Variants in TRIM5 observed in about 807,000 individuals in gnomAD.
The protein encoded by TRIM5 is tripartite motif containing 5.
A neutral mutation model predicts 35.6 loss-of-function variants in TRIM5; 31 were observed. That is an observed-to-expected ratio of 0.87 (90% CI 0.65 to 1.18). The LOEUF (loss-of-function observed/expected upper bound fraction) is 1.18. Ranked by LOEUF, TRIM5 falls within the 50% of genes most tolerant of loss-of-function variation. The pLI is 0.00. For synonymous variants in TRIM5, 243 were observed against 215.6 expected (o/e 1.13, Z -1.11); for missense variants, 609 against 591.6 (o/e 1.03, Z -0.31).
chr11:5,654,725 T>A, the TRIM5 span, among the ~76,000 whole-genome samples: 1 of 152,152 alleles, frequency 6.6e-6, no homozygotes, highest in Admixed American at 6.5e-5. Flanking sequence ...GTGGATAGAT[T>A]AACCACATGC....
chr11:5,643,081 CAT>C, the TRIM5 span: 2 of 1,276,964 alleles, frequency 1.6e-6, no homozygotes, highest in Non-Finnish European at 2.1e-6. Flanking sequence ...GTCACCTAAT[CAT>C]ATATATCACA....
chr11:5,674,731 A>G (rs1851816453), intron 4 of TRIM5, among the ~76,000 whole-genome samples: 1 of 152,262 alleles, frequency 6.6e-6, no homozygotes. Flanking sequence ...ACAACTGGAT[A>G]GCCATATGCA....
At chr11:5,621,739 A>G in the TRIM5 span, among the ~76,000 whole-genome samples, 1 of 152,186 alleles carries the variant, frequency 6.6e-6, no homozygotes, top group Non-Finnish European at 1.5e-5. Context: ...TCACTGACAT[A>G]AATGCCTATC....
At chr11:5,642,815 A>G in the TRIM5 span, 1 of 1,613,988 alleles carries the variant, frequency 6.2e-7, no homozygotes, top group East Asian at 2.2e-5. Context: ...TTATTATTTC[A>G]GAACTGACAG....
the TRIM5 span, among the ~76,000 whole-genome samples, chr11:5,625,643 C>G: frequency 6.6e-6 from 1 of 152,174 alleles, no homozygotes; most frequent in Non-Finnish European, 1.5e-5. Context: ...CTTGGCCTCC[C>G]TGACAATAGC....
At chr11:5,649,485 C>A in the TRIM5 span, among the ~76,000 whole-genome samples, 89 of 152,204 alleles carry the variant, frequency 5.8e-4, no homozygotes, top group African/African-American at 2.0e-3. Context: ...TTTTCTTAAC[C>A]TACATTGTGG....
At chr11:5,608,331 A>T in the TRIM5 span, 2 of 1,611,982 alleles carry the variant, frequency 1.2e-6, no homozygotes, top group East Asian at 2.2e-5. Flanking sequence ...TAAGGGCATG[A>T]CCTGTTACTC....
intron 5 of TRIM5, among the ~76,000 whole-genome samples, chr11:5,667,472 T>C (rs973114787): frequency 1.1e-4 from 17 of 152,222 alleles, no homozygotes; most frequent in African/African-American, 3.1e-4. Context: ...GTGCTGGGAT[T>C]ATAGGCTTGA....
chr11:5,646,544 C>T, the TRIM5 span, among the ~76,000 whole-genome samples: 6 of 152,184 alleles, frequency 3.9e-5, no homozygotes, highest in Admixed American at 3.9e-4. Flanking sequence ...CTCATCTTTA[C>T]ACGCTTGAAG....
chr11:5,601,701 T>C, the TRIM5 span, among the ~76,000 whole-genome samples: 18 of 152,232 alleles, frequency 1.2e-4, no homozygotes, highest in African/African-American at 3.4e-4. Context: ...GAGGTTGCAG[T>C]GAGCCGAGAT....
At chr11:5,656,695 C>G in the TRIM5 span, among the ~76,000 whole-genome samples, 1 of 151,888 alleles carries the variant, frequency 6.6e-6, no homozygotes, top group Non-Finnish European at 1.5e-5. Flanking sequence ...ATGCGGCCAA[C>G]AAACATTTGA....
the TRIM5 span, among the ~76,000 whole-genome samples, chr11:5,591,236 A>G: frequency 2.0e-5 from 3 of 152,218 alleles, no homozygotes; most frequent in South Asian, 4.1e-4. Flanking sequence ...GCAAATAAAC[A>G]CTAATATTAT....
chr11:5,605,428 A>T, the TRIM5 span: 1 of 1,614,216 alleles, frequency 6.2e-7, no homozygotes, highest in Non-Finnish European at 8.5e-7. Flanking sequence ...GAGCTGAAAA[A>T]GCTGGAACAG....
At chr11:5,627,169 A>G in the TRIM5 span, among the ~76,000 whole-genome samples, 1 of 151,966 alleles carries the variant, frequency 6.6e-6, no homozygotes, top group African/African-American at 2.4e-5. Flanking sequence ...CCTGAGGTGG[A>G]TCATGAGTTT....
the TRIM5 span, among the ~76,000 whole-genome samples, chr11:5,622,172 G>A: frequency 3.3e-5 from 5 of 152,150 alleles, no homozygotes; most frequent in Non-Finnish European, 7.4e-5. Flanking sequence ...TCAGCTGGGC[G>A]CGGTGGCTCA....
At chr11:5,673,659 CATGTA>C (rs1415406717) in intron 4 of TRIM5, among the ~76,000 whole-genome samples, 2 of 152,070 alleles carry the variant, frequency 1.3e-5, no homozygotes, top group Non-Finnish European at 2.9e-5. Flanking sequence ...TTTTCCTGCT[CATGTA>C]ATGTTCCATA....
chr11:5,642,459 CTG>C, the TRIM5 span: 1 of 1,613,894 alleles, frequency 6.2e-7, no homozygotes, highest in Non-Finnish European at 8.5e-7. Flanking sequence ...AAACTGAAGA[CTG>C]TATTCCATGC....
the TRIM5 span, among the ~76,000 whole-genome samples, chr11:5,623,105 C>CTTTTTTTT: frequency 5.6e-5 from 6 of 106,830 alleles, no homozygotes; most frequent in East Asian, 2.9e-4. Flanking sequence ...CTGTCTGGAG[C>CTTTTTTTT]TTTTTTTTTT....
chr11:5,632,917 T>C, the TRIM5 span, among the ~76,000 whole-genome samples: 1 of 136,610 alleles, frequency 7.3e-6, no homozygotes, highest in Non-Finnish European at 1.5e-5. Flanking sequence ...ACCTCTGCCC[T>C]CTGAGTTCAA....
Sources: allele counts gnomAD v4.1 joint callset (sites outside exome capture counted in the v4.1 genomes callset), GRCh38; gene constraint gnomAD v4.1.1; transcripts MANE v1.5; gene names NCBI Gene and HGNC (gene_info 2026-07-23, HGNC 2026-07-21).